Variants in LRP2BP observed in about 807,000 individuals in gnomAD.
LRP2BP encodes LRP2-binding protein.
In LRP2BP, 38 loss-of-function variants were observed where a neutral mutation model predicts 45.2. The observed-to-expected ratio is 0.84, with a 90% CI of 0.65 to 1.10. The LOEUF (loss-of-function observed/expected upper bound fraction) is 1.10. LRP2BP is among the 50% of genes least tolerant of loss of function. The pLI is 0.00. For missense variants in LRP2BP, 385 were observed against 418.9 expected, an observed-to-expected ratio of 0.92 and a Z score of 0.71; for synonymous variants, 153 against 153.9, an observed-to-expected ratio of 0.99 and a Z score of 0.04.
chr4:185,396,902 T>C (rs1278638775), upstream of LRP2BP: 12 of 1,613,124 alleles, frequency 7.4e-6, no homozygotes, highest in Non-Finnish European at 9.3e-6. Context: ...CAAGGACTCT[T>C]GTCATCTGCC....
chr4:185,368,276 C>CTAGAGTGTT (rs1376232989), intron 8 of LRP2BP, among the ~76,000 whole-genome samples: 3 of 152,222 alleles, frequency 2.0e-5, no homozygotes, highest in Non-Finnish European at 2.9e-5. Context: ...GCTGGTTTCA[C>CTAGAGTGTT]AGAAACCTAA....
intron 1 of LRP2BP, among the ~76,000 whole-genome samples, chr4:185,389,091 G>C (rs1354381284): frequency 6.6e-6 from 1 of 151,998 alleles, no homozygotes; most frequent in Admixed American, 6.6e-5. Flanking sequence ...TGTTGGCCAG[G>C]ATGGTCTGGA....
chr4:185,370,901 C>T (rs960311834), intron 7 of LRP2BP, 87 bp from the exon 8 acceptor site: 1 of 1,406,124 alleles, frequency 7.1e-7, no homozygotes. Flanking sequence ...TGTCCTTGTG[C>T]CTGAAGTGAT....
chr4:185,392,103 AACTT>A (rs553235205), intron 1 of LRP2BP, among the ~76,000 whole-genome samples: 173 of 152,346 alleles, frequency 1.1e-3, no homozygotes, highest in Non-Finnish European at 1.1e-3. Context: ...ATTAAGGACT[AACTT>A]TCTACCTTTT....
At position 185,395,570 on chromosome 4, in the gene LRP2BP, A is replaced by G; in HGVS notation, c.-813T>C. ...ATTGTGAATAGTTTAAATATTAAAA[A>G]TGTGGAATATAAGAACGATTCTATA... On this transcript the variant is annotated 5_prime_UTR_variant, in exon 1 of 9. Transcript: ENST00000505916. 1.0e-6 allele frequency: 1 copy of G among 981,004 alleles called. No individual in the cohort carries two copies. The highest frequency in any genetic ancestry group is 1.2e-6 in the Non-Finnish European group (1 of 825,864). 60.8% of individuals were successfully genotyped at this position (981,004 alleles called of 1,614,324 possible). A position where few individuals can be genotyped will look rare whatever the true frequency, so the allele number is the denominator to read the frequency against.
In LRP2BP at chr4:185,375,310, A is replaced by G. The variant is rs575433401; in HGVS notation, c.330+303T>C. Among the ~76,000 whole-genome samples the G allele has an allele frequency of 2.2e-3, 335 of 149,352 alleles. 1 individual carries two copies. The highest frequency in any genetic ancestry group is 2.1e-3 in the Non-Finnish European group (143 of 67,188). On this transcript the variant is annotated intron_variant, in intron 4 of 8. Coordinates refer to ENST00000505916, the MANE Select transcript of LRP2BP (RefSeq NM_001377440.1). ...TGTCTCTACTAAAACTACAAAAATT[A>G]GCCAGGCGTGGTGGCAGTGCCTGTA...
At chr4:185,379,059 G>A (rs1319679598) in intron 1 of LRP2BP, 3 of 773,596 alleles carry the variant, frequency 3.9e-6, no homozygotes, top group African/African-American at 3.8e-5. Flanking sequence ...ACATTTAGTA[G>A]GGGAAAAAAA....
chr4:185,395,751 A>G lies in LRP2BP; in HGVS notation c.-994T>C, dbSNP rs1166477598. On this transcript the variant is annotated 5_prime_UTR_variant, in exon 1 of 9. The change abolishes the stop of an existing upstream ORF in the 5' untranslated region. Transcript: ENST00000505916. ...TAGAATGAAAAGACCACTTATCTTT[A>G]GAGGACAAGCATGAACTTGTTTTCT... 6 of 985,360 alleles carry G rather than the reference A, an allele frequency of 6.1e-6. No homozygotes were observed. In the South Asian group the frequency reaches 2.3e-4, roughly 39 times the overall value. The allele number at this position is 985,360 out of a possible 1,614,324, so 61.0% of individuals were successfully genotyped here.
intron 1 of LRP2BP, 136 bp from the exon 2 acceptor site, chr4:185,378,343 C>T (rs2095445078): frequency 7.0e-7 from 1 of 1,437,898 alleles, no homozygotes; most frequent in Non-Finnish European, 9.1e-7. Context: ...CAACCACCAA[C>T]TCCAGGACGT....
chr4:185,378,568 C>G (rs1198209735), intron 1 of LRP2BP: 1 of 1,010,224 alleles, frequency 9.9e-7, no homozygotes, highest in Admixed American at 5.6e-5. Context: ...CTCTTCTGCA[C>G]TGGTACCTTC....
intron 1 of LRP2BP, among the ~76,000 whole-genome samples, chr4:185,389,556 T>C (rs970769969): frequency 6.6e-6 from 1 of 152,168 alleles, no homozygotes; most frequent in South Asian, 2.1e-4. Flanking sequence ...TATATGATGC[T>C]AAGTTCTATT....
intron 1 of LRP2BP, chr4:185,378,840 A>G (rs2095446792): frequency 1.0e-6 from 1 of 985,452 alleles, no homozygotes. Flanking sequence ...AGTTGTTGCT[A>G]CACTTTTGTA....
chr4:185,371,366 C>CACT (rs1487981714), intron 7 of LRP2BP, among the ~76,000 whole-genome samples: 1 of 151,766 alleles, frequency 6.6e-6, no homozygotes, highest in South Asian at 2.1e-4. Flanking sequence ...GGTGAAACCC[C>CACT]GTCTCTACTA....
intron 1 of LRP2BP, among the ~76,000 whole-genome samples, chr4:185,386,704 T>A: frequency 6.6e-6 from 1 of 151,956 alleles, no homozygotes. Context: ...CCCTGGACCT[T>A]AAGAGACTAC....
intron 2 of LRP2BP, 78 bp downstream of exon 2, chr4:185,378,003 C>T: frequency 8.6e-7 from 1 of 1,157,736 alleles, no homozygotes; most frequent in Middle Eastern, 2.3e-4. Flanking sequence ...CACATTATTT[C>T]TTGTCTCGTT....
chr4:185,391,268 G>A (rs2095487629), intron 1 of LRP2BP, among the ~76,000 whole-genome samples: 1 of 152,174 alleles, frequency 6.6e-6, no homozygotes, highest in Non-Finnish European at 1.5e-5. Context: ...ATCATCAACA[G>A]GACTTTCCAC....
chr4:185,364,697 A>G lies in LRP2BP; in HGVS notation c.*2483T>C, dbSNP rs1243672316. ...TTTTTTCAAACCATGATGATATTTG[A>G]CACTTAAAAAAATACCCAAAGTTGG... On this transcript the variant is annotated 3_prime_UTR_variant, in exon 9 of 9. Coordinates refer to ENST00000505916, the MANE Select transcript of LRP2BP (RefSeq NM_001377440.1). 2 of 152,074 alleles carry G rather than the reference A, an allele frequency of 1.3e-5. No homozygotes were observed. The highest frequency in any genetic ancestry group is 4.8e-5 in the African/African-American group (2 of 41,416). The allele number at this position is 152,074 out of a possible 1,614,324, so 9.4% of individuals were successfully genotyped here. A position where few individuals can be genotyped will look rare whatever the true frequency, so the allele number is the denominator to read the frequency against.
intron 4 of LRP2BP, among the ~76,000 whole-genome samples, chr4:185,375,107 A>C (rs2095428861): frequency 6.6e-6 from 1 of 151,786 alleles, no homozygotes; most frequent in Non-Finnish European, 1.5e-5. Flanking sequence ...TGGACAATCA[A>C]ATATATTTTG....
intron 7 of LRP2BP, 54 bp downstream of exon 7, chr4:185,372,802 T>C: frequency 5.7e-6 from 8 of 1,411,478 alleles, no homozygotes; most frequent in African/African-American, 1.4e-5. Context: ...TCTCATAAAT[T>C]ACCTAGTGTG....
Sources: gnomAD v4.1 joint callset for allele counts (sites outside exome capture counted in the v4.1 genomes callset) on GRCh38, gnomAD v4.1.1 for gene constraint, MANE v1.5 for transcripts, NCBI Gene and HGNC (gene_info 2026-07-23, HGNC 2026-07-21) for gene names.